Variants in IBTK observed in about 807,000 individuals in gnomAD.
IBTK encodes the protein BTK-binding protein.
In IBTK, 83 loss-of-function variants were observed where a neutral mutation model predicts 154.9. That is an observed-to-expected ratio of 0.54 (90% CI 0.45 to 0.64). The LOEUF (loss-of-function observed/expected upper bound fraction) is 0.64, where lower values mean the gene tolerates loss of function less well. IBTK is among the 30% of genes least tolerant of loss of function. The pLI is 0.00. For synonymous variants in IBTK, 515 were observed against 536.1 expected (o/e 0.96, Z 0.54); for missense variants, 1,332 against 1,584.6 (o/e 0.84, Z 2.71).
In IBTK at chr6:82,220,673, T is replaced by C. The variant is rs1320021812; in HGVS notation, c.1165A>G (p.Met389Val). Residue 389 changes from methionine to valine, a missense_variant, in exon 9 of 29, where the codon ATG (methionine) becomes GTG (valine). By Grantham distance (21) the Met-to-Val change is conservative. This residue lies in a region of IBTK where 1,134 missense variants were observed against 1,274.7 expected (regional missense o/e 0.89). Transcript: ENST00000306270. ...TGTTCAGGATCAACCTTGTATTCCA[T>C]ATGACCCCCAGACACAAGAACTTTT... ...LKKVLVSGGHMEYKVDPEHLK... is the reference protein window; with the variant it reads ...LKKVLVSGGHVEYKVDPEHLK... 9 of 1,609,218 alleles carry C rather than the reference T, an allele frequency of 5.6e-6. No individual in the cohort carries two copies. In the South Asian group the frequency reaches 1.0e-4, roughly 18 times the overall value.
At chr6:82,247,061 C>CG (rs759957489) in intron 1 of IBTK, among the ~76,000 whole-genome samples, 2 of 104,724 alleles carry the variant, frequency 1.9e-5, no homozygotes, top group South Asian at 3.8e-4. Context: ...TCTCTCTCAA[C>CG]CCTCCACCCT....
intron 2 of IBTK, among the ~76,000 whole-genome samples, chr6:82,235,401 C>G (rs1562107204): frequency 6.6e-6 from 1 of 152,024 alleles, no homozygotes; most frequent in Non-Finnish European, 1.5e-5. Context: ...CAACGTCAGC[C>G]TGGCCAACAT....
chr6:82,237,508 G>T (rs1770761335), intron 2 of IBTK, among the ~76,000 whole-genome samples: 1 of 151,856 alleles, frequency 6.6e-6, no homozygotes, highest in Non-Finnish European at 1.5e-5. Flanking sequence ...TGAAGTTCAA[G>T]ATTTAATAAT....
chr6:82,232,064 T>TG lies in IBTK; in HGVS notation c.419-223_419-222insC, dbSNP rs71675046. 7.9e-3 allele frequency among the ~76,000 whole-genome samples: 1,177 copies of TG among 148,828 alleles called. 9 individuals are homozygous for TG. The highest frequency in any genetic ancestry group is 0.024 in the South Asian group (112 of 4,702). On this transcript the variant is annotated intron_variant, in intron 3 of 28. Transcript: ENST00000306270. ...TTGCTTCTTTTTTTTTTGTTGTTGTTTTTTTTTAATAATTGAGACAAGGTC... is the reference window on the plus strand; with the variant it reads ...TTGCTTCTTTTTTTTTTGTTGTTGTTGTTTTTTTAATAATTGAGACAAGGTC...
chr6:82,243,398 T>C (rs1391575216), intron 1 of IBTK, among the ~76,000 whole-genome samples: 1 of 152,224 alleles, frequency 6.6e-6, no homozygotes, highest in Non-Finnish European at 1.5e-5. Flanking sequence ...AGTCCAAAAA[T>C]ATTAAATGAA....
At chr6:82,221,279 A>T (rs1321692480) in intron 8 of IBTK, among the ~76,000 whole-genome samples, 2 of 152,180 alleles carry the variant, frequency 1.3e-5, no homozygotes, top group Admixed American at 1.3e-4. Context: ...AGCAGAGATC[A>T]CACCAGTGCA....
chr6:82,179,224 A>T (rs2127798066), intron 26 of IBTK, among the ~76,000 whole-genome samples: 1 of 152,352 alleles, frequency 6.6e-6, no homozygotes, highest in East Asian at 1.9e-4. Context: ...TTGTGAAGAA[A>T]ATGGAAGTGC....
At position 82,171,093 on chromosome 6, in the gene IBTK, CA is replaced by C; in HGVS notation, c.*331del. The C allele has an allele frequency of 6.4e-6, 1 of 157,236 alleles. No individual in the cohort carries two copies. Among genetic ancestry groups the C allele is most frequent in the Non-Finnish European group, 1.4e-5 (1 of 71,602 alleles). 9.7% of individuals were successfully genotyped at this position (157,236 alleles called of 1,614,324 possible). On this transcript the variant is annotated 3_prime_UTR_variant, in exon 29 of 29. Coordinates refer to ENST00000306270, the MANE Select transcript of IBTK (RefSeq NM_015525.4). ...TCTTCTAAATTCTCAAGTTATCAAA[CA>C]AAAAAGTTATTTTTAATACTTTACC...
chr6:82,235,418 A>T (rs1378373508), intron 2 of IBTK, among the ~76,000 whole-genome samples: 1 of 151,810 alleles, frequency 6.6e-6, no homozygotes, highest in Non-Finnish European at 1.5e-5. Context: ...ACATGCTGAA[A>T]CCCCATCTGT....
intron 25 of IBTK, 93 bp from the exon 26 acceptor site, chr6:82,182,121 A>C: frequency 8.3e-7 from 1 of 1,200,140 alleles, no homozygotes; most frequent in South Asian, 1.4e-5. Context: ...GTATACCAAA[A>C]ATTTTACAAT....
At chr6:82,225,387 T>A (rs1374329012) in intron 6 of IBTK, 90 bp downstream of exon 6, 2 of 863,994 alleles carry the variant, frequency 2.3e-6, no homozygotes, top group African/African-American at 3.5e-5. Flanking sequence ...AGAAATAAAA[T>A]AAGTTGCTCT....
At chr6:82,211,070 T>C (rs1769618220) in intron 15 of IBTK, among the ~76,000 whole-genome samples, 160 bp from the exon 16 acceptor site, 1 of 152,172 alleles carries the variant, frequency 6.6e-6, no homozygotes, top group Admixed American at 6.5e-5. Flanking sequence ...ATATTAAATT[T>C]AATTTTAAAA....
intron 16 of IBTK, 26 bp downstream of exon 16, chr6:82,210,788 T>C: frequency 9.8e-7 from 1 of 1,025,082 alleles, no homozygotes; most frequent in Non-Finnish European, 1.4e-6. Context: ...GTGAAGTATC[T>C]ACAATGTCCT....
At position 82,200,147 on chromosome 6, in the gene IBTK, A is replaced by G; in HGVS notation, c.3019T>C (p.Ser1007Pro). 6.3e-7 allele frequency: 1 copy of G among 1,592,364 alleles called. No individual in the cohort carries two copies. Among genetic ancestry groups the G allele is most frequent in the South Asian group, 1.1e-5 (1 of 89,638 alleles). Reference protein sequence around the residue: ...NLSDIIQSPSSTGLLKSGKTN... With the variant: ...NLSDIIQSPSPTGLLKSGKTN... ...ATGCTCACTTTCCACGAACCTGTAG[A>G]TGATGGACTCTGAATAATATCTGAA... is the stretch of plus-strand genomic sequence containing the variant. The change falls in exon 21 of 29, where the codon TCT becomes CCT. Residue 1007 changes from serine (S) to proline (P), a missense_variant. Ser to Pro is a moderately conservative substitution (Grantham distance 74). Around this residue, in one of 3 missense-constraint regions of IBTK, gnomAD observed 1,134 missense variants for 1,274.7 expected, o/e 0.89. Coordinates refer to ENST00000306270, the MANE Select transcript of IBTK (RefSeq NM_015525.4).
intron 8 of IBTK, among the ~76,000 whole-genome samples, 161 bp downstream of exon 8, chr6:82,223,279 C>A (rs1770165267): frequency 6.6e-6 from 1 of 152,114 alleles, no homozygotes; most frequent in South Asian, 2.1e-4. Context: ...TGGATCCATG[C>A]CAAAAGACAA....
chr6:82,188,198 A>C (rs953767257), intron 25 of IBTK, among the ~76,000 whole-genome samples: 4 of 152,210 alleles, frequency 2.6e-5, no homozygotes, highest in African/African-American at 9.6e-5. Context: ...TCCAGTCAGA[A>C]CTTAAGAGAA....
intron 16 of IBTK, among the ~76,000 whole-genome samples, chr6:82,208,296 C>T (rs1435099537): frequency 7.9e-5 from 12 of 151,752 alleles, no homozygotes; most frequent in African/African-American, 7.3e-5. Flanking sequence ...CACCTTAATA[C>T]GACTGGGGGG....
chr6:82,205,426 G>A (rs1769365814), intron 16 of IBTK: 1 of 152,278 alleles, frequency 6.6e-6, no homozygotes, highest in Non-Finnish European at 1.5e-5. Context: ...AACAAAATTT[G>A]TCATCTAAGA....
At chr6:82,226,958 G>A (rs953760956) in intron 5 of IBTK, among the ~76,000 whole-genome samples, 2 of 151,946 alleles carry the variant, frequency 1.3e-5, no homozygotes, top group Non-Finnish European at 2.9e-5. Context: ...CTTATGTAAC[G>A]CTCCTGACTC....
Sources: gnomAD v4.1 joint callset for allele counts (sites outside exome capture counted in the v4.1 genomes callset) on GRCh38, gnomAD v4.1.1 for gene constraint, gnomAD v4.1.1 regional missense constraint, MANE v1.5 for transcripts, NCBI Gene and HGNC (gene_info 2026-07-23, HGNC 2026-07-21) for gene names.